Variants in MADD observed in about 807,000 individuals in gnomAD.
The protein encoded by MADD is MAP kinase activating death domain, also known as MAP kinase-activating death domain protein.
In MADD, 109 loss-of-function variants were observed where a neutral mutation model predicts 176.7. That is an observed-to-expected ratio of 0.62 (90% confidence interval 0.53 to 0.72). The LOEUF is 0.72. Among genes scored for constraint, MADD ranks in the 30% least tolerant of loss-of-function variants. MADD has a pLI of 0.00. For missense variants in MADD, 1,914 were observed against 2,045.5 expected, an observed-to-expected ratio of 0.94 and a Z score of 1.24; for synonymous variants, 771 against 771.3, an observed-to-expected ratio of 1.00 and a Z score of 0.01.
intron 22 of MADD, among the ~76,000 whole-genome samples, chr11:47,296,776 T>TG (rs2072670285): frequency 6.7e-6 from 1 of 150,040 alleles, no homozygotes; most frequent in South Asian, 2.1e-4. Context: ...TTTTTTTTTT[T>TG]TTTTTTTTTA....
In MADD at chr11:47,293,948, G is replaced by A. The variant is rs61755074; in HGVS notation, c.3367G>A (p.Ala1123Thr). The A allele has an allele frequency of 1.8e-3, 2,908 of 1,614,164 alleles. 4 individuals carry two copies. Among genetic ancestry groups the A allele is most frequent in the Non-Finnish European group, 2.3e-3 (2,657 of 1,180,000 alleles). Reference sequence around the variant, plus strand: ...AGAGGAGAAAAAGTCCCAGATCAGCGCAGACAGTGGTGTGAGCCTGACGTC... The same window carrying A: ...AGAGGAGAAAAAGTCCCAGATCAGCACAGACAGTGGTGTGAGCCTGACGTC... Residue 1123 changes from alanine (A) to threonine (T), a missense_variant, in exon 20 of 33, where the codon GCA becomes ACA. Ala to Thr is a moderately conservative substitution (Grantham distance 58). Around this residue, in one of 2 missense-constraint regions of MADD, gnomAD observed 1,767 missense variants for 1,836.0 expected, o/e 0.96. Transcript: ENST00000402192.
rs779490586 is a variant in MADD, at chr11:47,324,246, C to G, written c.4363-19C>G. The G allele has an allele frequency of 1.2e-6, 2 of 1,612,924 alleles. No homozygotes were observed. Among genetic ancestry groups the G allele is most frequent in the African/African-American group, 2.7e-5 (2 of 74,904 alleles). ...CTGGACAGCCCTCATGATGGGACCA[C>G]TCTCCCCCTGTGCCACAGTGTCGGG... On this transcript the variant is annotated intron_variant, in intron 28 of 32. Coordinates refer to ENST00000402192, the Ensembl canonical transcript of MADD.
chr11:47,292,395 T>A, intron 19 of MADD, 148 bp from the exon 21 acceptor site: 1 of 723,352 alleles, frequency 1.4e-6, no homozygotes. Flanking sequence ...TTCTGCCCCT[T>A]CTCCCCATGA....
exon 9 of MADD, chr11:47,282,590 A>G (rs1356947560): frequency 1.2e-6 from 2 of 1,614,146 alleles, no homozygotes; most frequent in East Asian, 2.2e-5. Flanking sequence ...AACCCCACCA[A>G]CTATGCCTTT....
At position 47,311,851 on chromosome 11, in the gene MADD, G is replaced by A. The variant is rs371804793; in HGVS notation, c.4089+9G>A. 1.5e-5 allele frequency: 23 copies of A among 1,581,772 alleles called. No individual in the cohort carries two copies. In the South Asian group the frequency reaches 2.0e-4, roughly 14 times the overall value. ...ATCAGCTGGCGAACCTGGTAAGCAC[G>A]TCTGGCCACCCCTTAGGCTTCCCCA... On this transcript the variant is annotated intron_variant, in intron 26 of 32. Transcript: ENST00000402192.
chr11:47,287,572 G>A (rs2138025618), intron 15 of MADD, among the ~76,000 whole-genome samples: 1 of 151,934 alleles, frequency 6.6e-6, no homozygotes, highest in South Asian at 2.1e-4. Context: ...ACCTCGCCTG[G>A]CTAATTGTTG....
rs528077450 is a variant in MADD, at chr11:47,328,170, G to T, written c.4613-488G>T. Reference sequence around the variant, plus strand: ...ATCCAGCCTCAAGACCCTCTGTGTAGGGGGCTGGGAATAACGGGAACTGTG... The same window carrying T: ...ATCCAGCCTCAAGACCCTCTGTGTATGGGGCTGGGAATAACGGGAACTGTG... On this transcript the variant is annotated intron_variant, in intron 31 of 32. Coordinates refer to ENST00000402192, the Ensembl canonical transcript of MADD. The T allele has an allele frequency of 2.8e-5, 29 of 1,038,644 alleles. No homozygotes were observed. The South Asian group carries it at 7.9e-4, about 28-fold the overall frequency. 64.3% of individuals were successfully genotyped at this position (1,038,644 alleles called of 1,614,324 possible).
rs141671072 is a variant in MADD at position 47,290,229 on chromosome 11, C to T, written c.3024C>T (p.His1008=). Reference sequence around the variant, plus strand: ...TCAGCTTGGAGCAGTCCTATGCCCACGCGGGTCTGGGTGGCATGGCCAGCA... The same window carrying T: ...TCAGCTTGGAGCAGTCCTATGCCCATGCGGGTCTGGGTGGCATGGCCAGCA... Residue 1008 remains histidine (H), a synonymous_variant, in exon 18 of 33, where the codon CAC becomes CAT. Coordinates refer to ENST00000402192, the Ensembl canonical transcript of MADD. 3.0e-4 allele frequency: 481 copies of T among 1,614,110 alleles called. No homozygotes were observed. In the Middle Eastern group the frequency reaches 3.8e-3, roughly 13 times the overall value.
chr11:47,295,979 G>A (rs1207239297), exon 22 of MADD: 20 of 1,614,126 alleles, frequency 1.2e-5, no homozygotes, highest in Middle Eastern at 1.6e-4. Context: ...GGCGAGGGCA[G>A]TGTTCACCTG....
intron 2 of MADD, 31 bp from the exon 3 acceptor site, chr11:47,274,532 A>G (rs1180876585): frequency 6.4e-7 from 1 of 1,553,346 alleles, no homozygotes; most frequent in Admixed American, 1.7e-5. Flanking sequence ...CCATCCCTTC[A>G]GGCTGCTGAA....
intron 1 of MADD, among the ~76,000 whole-genome samples, chr11:47,272,935 C>T (rs2046062044): frequency 6.6e-6 from 1 of 152,180 alleles, no homozygotes; most frequent in Non-Finnish European, 1.5e-5. Flanking sequence ...CTCTGGGCTC[C>T]TTTCTTGCCT....
chr11:47,294,669 CAAAAA>C (rs58253961), intron 20 of MADD, among the ~76,000 whole-genome samples: 1 of 56,032 alleles, frequency 1.8e-5, no homozygotes, highest in Non-Finnish European at 3.4e-5. Context: ...GACTCCGTCT[CAAAAA>C]AAAAAAAAAA....
At chr11:47,306,643 A>T (rs941681159) in intron 22 of MADD, among the ~76,000 whole-genome samples, 15 of 150,574 alleles carry the variant, frequency 1.0e-4, no homozygotes, top group Admixed American at 4.0e-4. Flanking sequence ...GGGAAGGGGG[A>T]TGGGGGGGAG....
chr11:47,314,873 A>C (rs1229593367), intron 26 of MADD, among the ~76,000 whole-genome samples: 1 of 151,896 alleles, frequency 6.6e-6, no homozygotes, highest in Admixed American at 6.6e-5. Context: ...TTGAAAATAT[A>C]GTTATTTTAT....
rs746888060 is a variant in MADD at position 47,274,581 on chromosome 11, C to A, written c.81C>A (p.Ser27Arg). ...TCTTCAGGCACCCGAGCAGTGATAG[C>A]GTGGCCCAGACTCCTGAATTGCTAC... Residue 27 changes from serine to arginine, a missense_variant, in exon 3 of 33, where the codon AGC becomes AGA. Physicochemically the swap from Ser to Arg is moderately radical, Grantham distance 110. This residue lies in a region of MADD where 1,767 missense variants were observed against 1,836.0 expected (regional missense o/e 0.96). Transcript: ENST00000402192. The A allele has an allele frequency of 6.2e-7, 1 of 1,612,316 alleles. No individual in the cohort carries two copies.
At chr11:47,301,538 C>A (rs2077773878) in intron 22 of MADD, among the ~76,000 whole-genome samples, 1 of 152,276 alleles carries the variant, frequency 6.6e-6, no homozygotes, top group Non-Finnish European at 1.5e-5. Flanking sequence ...GATTTGAAAT[C>A]TTCCTACTTT....
intron 1 of MADD, 138 bp from the exon 2 acceptor site, chr11:47,273,689 A>G (rs1299329765): frequency 2.1e-6 from 1 of 467,634 alleles, no homozygotes; most frequent in Non-Finnish European, 3.9e-6. Flanking sequence ...ACACGAGGCT[A>G]GGCAAGCGTC....
intron 14 of MADD, among the ~76,000 whole-genome samples, chr11:47,285,807 A>G (rs779356764): frequency 9.2e-5 from 14 of 152,116 alleles, no homozygotes; most frequent in Non-Finnish European, 1.8e-4. Flanking sequence ...ATTTCAGTCT[A>G]TTTCAGGTAA....
intron 25 of MADD, among the ~76,000 whole-genome samples, chr11:47,310,907 C>CAAA (rs34331746): frequency 3.8e-5 from 5 of 131,072 alleles, no homozygotes; most frequent in Non-Finnish European, 6.5e-5. Flanking sequence ...AAATCCATCT[C>CAAA]AAAAAAAAAA....
Sources: gnomAD v4.1 joint callset for allele counts (sites outside exome capture counted in the v4.1 genomes callset) on GRCh38, gnomAD v4.1.1 for gene constraint, gnomAD v4.1.1 regional missense constraint, MANE v1.5 for transcripts, NCBI Gene and HGNC (gene_info 2026-07-23, HGNC 2026-07-21) for gene names.